The following SLIT3 variants were observed in gnomAD, a reference collection of about 807,000 sequenced individuals.
The protein encoded by SLIT3 is slit homolog 3 protein.
In SLIT3, 68 loss-of-function variants were observed where a neutral mutation model predicts 184.0. The observed-to-expected ratio is 0.37, with a 90% confidence interval of 0.30 to 0.45. SLIT3 has a LOEUF of 0.45. Among genes scored for constraint, SLIT3 ranks in the 20% least tolerant of loss-of-function variants. The pLI, the probability that SLIT3 is intolerant of heterozygous loss-of-function variation, is 1.00. For synonymous variants in SLIT3, 831 were observed against 828.6 expected (o/e 1.00, Z -0.05); for missense variants, 1,707 against 2,026.0 (o/e 0.84, Z 3.02).
intron 12 of SLIT3, among the ~76,000 whole-genome samples, chr5:168,782,263 C>T (rs182484178): frequency 6.6e-5 from 10 of 152,130 alleles, no homozygotes; most frequent in South Asian, 2.1e-4. Flanking sequence ...CCACCTGGAG[C>T]GGGTTTAAAA....
chr5:168,887,419 G>A (rs1358123062), intron 4 of SLIT3, among the ~76,000 whole-genome samples: 1 of 152,178 alleles, frequency 6.6e-6, no homozygotes, highest in African/African-American at 2.4e-5. Flanking sequence ...TCTGAAGTGG[G>A]TGGGGCTAAT....
chr5:168,854,163 C>T (rs1216623790), intron 5 of SLIT3, among the ~76,000 whole-genome samples: 2 of 152,130 alleles, frequency 1.3e-5, no homozygotes, highest in Non-Finnish European at 2.9e-5. Context: ...TCAGGCTATT[C>T]CACCTTTCTC....
chr5:169,070,165 G>A (rs1458873913), intron 4 of SLIT3, among the ~76,000 whole-genome samples: 1 of 152,186 alleles, frequency 6.6e-6, no homozygotes, highest in Non-Finnish European at 1.5e-5. Flanking sequence ...TACAGAGAAA[G>A]GGGGACTCAG....
intron 4 of SLIT3, among the ~76,000 whole-genome samples, chr5:168,919,200 C>A (rs1262530431): frequency 6.7e-6 from 1 of 148,534 alleles, no homozygotes; most frequent in African/African-American, 2.5e-5. Context: ...GCGGAGGTTG[C>A]AGTGAGCCGA....
At chr5:169,128,587 C>T (rs984177207) in intron 4 of SLIT3, among the ~76,000 whole-genome samples, 1 of 152,040 alleles carries the variant, frequency 6.6e-6, no homozygotes, top group Non-Finnish European at 1.5e-5. Flanking sequence ...CAACACCACG[C>T]CTGGCTAATG....
At chr5:168,710,250 G>T (rs1762511129) in intron 25 of SLIT3, 1 of 152,102 alleles carries the variant, frequency 6.6e-6, no homozygotes, top group Non-Finnish European at 1.5e-5. Context: ...ATTAAAAGTT[G>T]ATCACATAGA....
chr5:168,885,843 G>A (rs1289761374), intron 4 of SLIT3, among the ~76,000 whole-genome samples: 1 of 152,216 alleles, frequency 6.6e-6, no homozygotes, highest in Non-Finnish European at 1.5e-5. Flanking sequence ...GGGAGGAGTA[G>A]CAGTCGTACA....
intron 4 of SLIT3, among the ~76,000 whole-genome samples, chr5:169,091,462 T>C (rs1011963617): frequency 2.0e-5 from 3 of 152,218 alleles, no homozygotes; most frequent in Non-Finnish European, 4.4e-5. Flanking sequence ...ATGCAACTCA[T>C]GGCCATGGGC....
At position 168,838,761 on chromosome 5, in the gene SLIT3, C is replaced by G. The variant is rs1285944048; in HGVS notation, c.557+5823G>C. On this transcript the variant is annotated intron_variant, in intron 6 of 35. Coordinates refer to ENST00000519560, the MANE Select transcript of SLIT3 (RefSeq NM_003062.4). ...TCTTGTACCAGAAAATGACCTTTTC[C>G]CCATTCACTCTTCTGCGTCTACCTG... Among the ~76,000 whole-genome samples, 4 of 152,264 alleles carry G rather than the reference C, an allele frequency of 2.6e-5. No homozygotes were observed. In the South Asian group the frequency reaches 6.2e-4, roughly 24 times the overall value.
intron 1 of SLIT3, chr5:169,263,635 A>G (rs1766283918): frequency 2.0e-6 from 1 of 496,332 alleles, no homozygotes; most frequent in African/African-American, 2.1e-5. Flanking sequence ...GATACGCCCA[A>G]CGTTCAGGCT....
At chr5:168,703,001 C>T (rs1051785184) in intron 26 of SLIT3, among the ~76,000 whole-genome samples, 20 of 152,164 alleles carry the variant, frequency 1.3e-4, no homozygotes, top group African/African-American at 4.8e-4. Context: ...CAGCCCTTTA[C>T]GCCAAGCACA....
intron 4 of SLIT3, among the ~76,000 whole-genome samples, chr5:169,104,432 T>C (rs1760129980): frequency 6.6e-6 from 1 of 152,226 alleles, no homozygotes; most frequent in South Asian, 2.1e-4. Context: ...CATAGGGTAA[T>C]TCTGATGAGG....
At chr5:168,881,345 T>G (rs1368725994) in intron 5 of SLIT3, among the ~76,000 whole-genome samples, 2 of 152,190 alleles carry the variant, frequency 1.3e-5, no homozygotes, top group Non-Finnish European at 2.9e-5. Context: ...TGAGAAACCC[T>G]AGCAACTATT....
intron 4 of SLIT3, among the ~76,000 whole-genome samples, chr5:169,111,052 G>A (rs376413163): frequency 8.5e-5 from 13 of 152,250 alleles, no homozygotes; most frequent in Middle Eastern, 3.4e-3. Flanking sequence ...CAAACTGCCC[G>A]TGCATCCTTC....
intron 1 of SLIT3, among the ~76,000 whole-genome samples, chr5:169,269,963 T>C: frequency 6.6e-6 from 1 of 152,204 alleles, no homozygotes; most frequent in Non-Finnish European, 1.5e-5. Flanking sequence ...GAAATCTGTT[T>C]CCTATTACAA....
At chr5:168,903,147 T>C (rs1307276130) in intron 4 of SLIT3, among the ~76,000 whole-genome samples, 1 of 152,208 alleles carries the variant, frequency 6.6e-6, no homozygotes, top group African/African-American at 2.4e-5. Flanking sequence ...TTTCAGCTAA[T>C]TCATATTTAC....
At chr5:168,686,823 G>A (rs548661114) in intron 30 of SLIT3, among the ~76,000 whole-genome samples, 156 bp downstream of exon 30, 1 of 152,368 alleles carries the variant, frequency 6.6e-6, no homozygotes, top group Admixed American at 6.5e-5. Flanking sequence ...GGACATGTAA[G>A]GACTGCAAAG....
chr5:168,749,424 TGCCTTCCCAGG>T, intron 19 of SLIT3, 37 bp downstream of exon 19: 6 of 1,607,558 alleles, frequency 3.7e-6, no homozygotes, highest in Non-Finnish European at 5.1e-6. Context: ...CCATCTTCCT[TGCCTTCCCAGG>T]GCCTTCCCCG....
chr5:168,904,114 C>T (rs1207526113), intron 4 of SLIT3, among the ~76,000 whole-genome samples: 5 of 152,132 alleles, frequency 3.3e-5, no homozygotes, highest in African/African-American at 2.4e-5. Context: ...CTGTGTCCAG[C>T]GCCCTCCTCA....
Sources: allele counts gnomAD v4.1 joint callset (sites outside exome capture counted in the v4.1 genomes callset), GRCh38; gene constraint gnomAD v4.1.1; transcripts MANE v1.5; gene names NCBI Gene and HGNC (gene_info 2026-07-23, HGNC 2026-07-21).